GRM1: variants seen among roughly 807,000 people sequenced by gnomAD.
GRM1 encodes metabotropic glutamate receptor 1.
GRM1 carries 33 observed loss-of-function variants against 90.9 expected under a neutral mutation model. The ratio of observed to expected loss-of-function variants is 0.36; its 90% confidence interval spans 0.28 to 0.49. GRM1 has a LOEUF of 0.49. GRM1 is among the 20% of genes least tolerant of loss of function. GRM1 has a pLI of 0.99. For missense variants in GRM1, 1,190 were observed against 1,534.3 expected (o/e 0.78, Z 3.75); for synonymous variants, 700 against 613.2 (o/e 1.14, Z -2.09).
chr6:146,288,113 A>G (rs1403855612), intron 2 of GRM1, among the ~76,000 whole-genome samples: 1 of 152,214 alleles, frequency 6.6e-6, no homozygotes, highest in African/African-American at 2.4e-5. Flanking sequence ...TTTAAGGAAC[A>G]TGATAGAAAT....
intron 1 of GRM1, among the ~76,000 whole-genome samples, chr6:146,049,661 A>G (rs199540571): frequency 1.4e-5 from 2 of 144,204 alleles, no homozygotes; most frequent in East Asian, 2.0e-4. Context: ...ATATCTATCT[A>G]TCTATCTATC....
At chr6:146,192,032 T>C (rs1384851832) in intron 2 of GRM1, among the ~76,000 whole-genome samples, 1 of 152,218 alleles carries the variant, frequency 6.6e-6, no homozygotes. Context: ...AAGTAAGTAA[T>C]TATTCAGACT....
At chr6:146,091,443 T>G (rs1399924230) in intron 1 of GRM1, among the ~76,000 whole-genome samples, 1 of 152,042 alleles carries the variant, frequency 6.6e-6, no homozygotes, top group East Asian at 1.9e-4. Flanking sequence ...AACAGATGTG[T>G]GACATTGAAG....
At chr6:146,211,747 C>T (rs537228261) in intron 2 of GRM1, among the ~76,000 whole-genome samples, 1 of 152,256 alleles carries the variant, frequency 6.6e-6, no homozygotes, top group African/African-American at 2.4e-5. Flanking sequence ...GGTATTTGTT[C>T]CTAATCTTTT....
intron 6 of GRM1, among the ~76,000 whole-genome samples, chr6:146,393,318 C>T (rs1330133282): frequency 1.3e-5 from 2 of 152,058 alleles, no homozygotes; most frequent in Non-Finnish European, 2.9e-5. Flanking sequence ...TTATTGGCCA[C>T]ATAAGTGTCT....
At chr6:146,366,220 A>G (rs930175952) in intron 5 of GRM1, among the ~76,000 whole-genome samples, 10 of 152,156 alleles carry the variant, frequency 6.6e-5, no homozygotes, top group Admixed American at 5.9e-4. Context: ...ATTGACACAT[A>G]ATAATCGTAC....
At chr6:146,203,198 A>AATAT (rs1779379086) in intron 2 of GRM1, among the ~76,000 whole-genome samples, 1 of 129,684 alleles carries the variant, frequency 7.7e-6, no homozygotes, top group African/African-American at 3.1e-5. Flanking sequence ...TCTCAAAATA[A>AATAT]ATAAATAAAT....
intron 1 of GRM1, among the ~76,000 whole-genome samples, chr6:146,140,271 GATT>G (rs1288303124): frequency 6.7e-6 from 1 of 149,110 alleles, no homozygotes; most frequent in African/African-American, 2.5e-5. Context: ...TTATTATTAT[GATT>G]ATTATTATTT....
chr6:146,363,787 A>G (rs1295074975), intron 5 of GRM1, among the ~76,000 whole-genome samples: 1 of 152,240 alleles, frequency 6.6e-6, no homozygotes, highest in Non-Finnish European at 1.5e-5. Context: ...AATCAGCTAG[A>G]TGAACTTTGA....
At chr6:146,294,356 T>G (rs1783101679) in intron 2 of GRM1, among the ~76,000 whole-genome samples, 1 of 151,990 alleles carries the variant, frequency 6.6e-6, no homozygotes, top group African/African-American at 2.4e-5. Context: ...AAGTTTAAAG[T>G]TTTTAGTTTC....
At chr6:146,139,458 G>A (rs1181182151) in intron 1 of GRM1, among the ~76,000 whole-genome samples, 1 of 152,038 alleles carries the variant, frequency 6.6e-6, no homozygotes, top group Non-Finnish European at 1.5e-5. Context: ...TCTCTCTTTA[G>A]CTCTAATAAC....
intron 1 of GRM1, among the ~76,000 whole-genome samples, chr6:146,095,691 C>T (rs1193900126): frequency 2.0e-5 from 3 of 151,920 alleles, no homozygotes; most frequent in African/African-American, 7.3e-5. Flanking sequence ...ACAGTCTGGC[C>T]CAGGGTAGGT....
intron 2 of GRM1, among the ~76,000 whole-genome samples, chr6:146,182,113 A>G (rs1489028473): frequency 6.6e-6 from 1 of 152,142 alleles, no homozygotes; most frequent in Non-Finnish European, 1.5e-5. Context: ...TAACATGAAA[A>G]TTATTGGCCT....
intron 2 of GRM1, among the ~76,000 whole-genome samples, chr6:146,266,028 A>T (rs1450861628): frequency 6.6e-6 from 1 of 152,098 alleles, no homozygotes; most frequent in Admixed American, 6.5e-5. Flanking sequence ...GTCTCTACTA[A>T]AATACAAAAA....
chr6:146,117,596 A>C (rs900621350), intron 1 of GRM1, among the ~76,000 whole-genome samples: 3 of 149,986 alleles, frequency 2.0e-5, no homozygotes, highest in Non-Finnish European at 4.5e-5. Context: ...TTTTTTGTTT[A>C]TTTTTACTTA....
intron 3 of GRM1, 75 bp from the exon 4 acceptor site, chr6:146,352,175 G>C (rs1785433653): frequency 6.7e-7 from 1 of 1,488,128 alleles, no homozygotes; most frequent in Non-Finnish European, 9.4e-7. Flanking sequence ...ACCCCCAAAA[G>C]CATTTGAGAA....
intron 7 of GRM1, among the ~76,000 whole-genome samples, chr6:146,429,658 G>A (rs979425364): frequency 5.3e-5 from 8 of 152,114 alleles, no homozygotes; most frequent in Non-Finnish European, 8.8e-5. Flanking sequence ...TCCTTGACAG[G>A]CCTCATGTTC....
chr6:146,257,175 T>C (rs1188622453), intron 2 of GRM1, among the ~76,000 whole-genome samples: 2 of 152,206 alleles, frequency 1.3e-5, no homozygotes, highest in Admixed American at 6.5e-5. Flanking sequence ...TTTTCAATTC[T>C]CTTACGGCAT....
chr6:146,366,370 A>G (rs547814769), intron 5 of GRM1, among the ~76,000 whole-genome samples: 39 of 152,302 alleles, frequency 2.6e-4, no homozygotes, highest in African/African-American at 9.1e-4. Flanking sequence ...TCTTCTAGCC[A>G]TTTTAAAATA....
Sources: gnomAD v4.1 joint callset for allele counts (sites outside exome capture counted in the v4.1 genomes callset) on GRCh38, gnomAD v4.1.1 for gene constraint, MANE v1.5 for transcripts, NCBI Gene and HGNC (gene_info 2026-07-23, HGNC 2026-07-21) for gene names.